The following DSCAM variants were observed in gnomAD, a reference collection of about 807,000 sequenced individuals.
The protein encoded by DSCAM is DS cell adhesion molecule, also known as cell adhesion molecule DSCAM.
Under a neutral mutation model 217.7 loss-of-function variants are expected in DSCAM, and 47 were observed. That is an observed-to-expected ratio of 0.22 (90% CI 0.17 to 0.28). DSCAM has a LOEUF of 0.28. Ranked by LOEUF, DSCAM falls within the 10% of genes least tolerant of loss-of-function variation. The pLI is 1.00. For synonymous variants in DSCAM, 1,056 were observed against 1,015.3 expected (o/e 1.04, Z -0.76); for missense variants, 2,080 against 2,618.3 (o/e 0.79, Z 4.49).
At position 40,834,802 on chromosome 21, in the gene DSCAM, C is replaced by T. The variant is rs1382766449; in HGVS notation, c.43+11817G>A. ...GGCCTCCAGACCCCCCAGGAAAATA[C>T]AGCTTTCTCCCTCCACTCTCACTGA... On this transcript the variant is annotated intron_variant, in intron 1 of 32. Transcript: ENST00000400454. 2.6e-5 allele frequency among the ~76,000 whole-genome samples: 4 copies of T among 152,296 alleles called. No homozygotes were observed. The East Asian group carries it at 7.7e-4, about 29-fold the overall frequency.
At chr21:40,783,453 G>A (rs954157604) in intron 1 of DSCAM, among the ~76,000 whole-genome samples, 3 of 152,176 alleles carry the variant, frequency 2.0e-5, no homozygotes, top group African/African-American at 7.2e-5. Context: ...GTGTGCGTGT[G>A]TGTGTGTGCA....
intron 2 of DSCAM, among the ~76,000 whole-genome samples, chr21:40,700,491 C>G (rs1296124686): frequency 6.6e-6 from 1 of 152,150 alleles, no homozygotes; most frequent in Non-Finnish European, 1.5e-5. Flanking sequence ...ATGTGAAACT[C>G]ACCTTGCATT....
At chr21:40,031,329 C>A (rs2088520150) in intron 32 of DSCAM, among the ~76,000 whole-genome samples, 1 of 152,244 alleles carries the variant, frequency 6.6e-6, no homozygotes. Flanking sequence ...GAAGGCTGCC[C>A]AGGCTAACTG....
At chr21:40,125,942 T>G (rs1011568474) in intron 19 of DSCAM, among the ~76,000 whole-genome samples, 19 of 152,234 alleles carry the variant, frequency 1.2e-4, no homozygotes, top group African/African-American at 4.6e-4. Flanking sequence ...ACAGTGAACA[T>G]TCTTGCTGGA....
At position 40,064,376 on chromosome 21, in the gene DSCAM, C is replaced by T. The variant is rs73906395; in HGVS notation, c.4889-1477G>A. Among the ~76,000 whole-genome samples the T allele has an allele frequency of 9.8e-3, 1,485 of 152,108 alleles. 26 individuals carry two copies. The highest frequency in any genetic ancestry group is 0.034 in the African/African-American group (1,417 of 41,488). On this transcript the variant is annotated intron_variant, in intron 27 of 32. Coordinates refer to ENST00000400454, the MANE Select transcript of DSCAM (RefSeq NM_001389.5). ...GATCAACTGCTTTCCTCATTCTGCC[C>T]GCCACAATAATCTCTCCTTTTCCTA...
chr21:40,202,200 C>T (rs1199714025), intron 11 of DSCAM, among the ~76,000 whole-genome samples: 1 of 152,142 alleles, frequency 6.6e-6, no homozygotes, highest in East Asian at 1.9e-4. Context: ...TGGATTCCAC[C>T]CCCGCCACCC....
intron 8 of DSCAM, among the ~76,000 whole-genome samples, chr21:40,337,208 C>T (rs1007614342): frequency 1.3e-5 from 2 of 152,068 alleles, no homozygotes; most frequent in Non-Finnish European, 2.9e-5. Context: ...AACTTTGTAA[C>T]AAGGGCAACT....
At chr21:40,567,227 G>A (rs2146197063) in intron 3 of DSCAM, among the ~76,000 whole-genome samples, 1 of 152,320 alleles carries the variant, frequency 6.6e-6, no homozygotes, top group African/African-American at 2.4e-5. Context: ...TGAACTTACT[G>A]TGCCTAGCAA....
At chr21:40,341,761 T>A (rs1480341669) in intron 6 of DSCAM, among the ~76,000 whole-genome samples, 1 of 152,202 alleles carries the variant, frequency 6.6e-6, no homozygotes, top group Non-Finnish European at 1.5e-5. Context: ...AGATGTAACT[T>A]TGGAACAGTA....
At chr21:40,449,611 A>T (rs2075703071) in intron 3 of DSCAM, among the ~76,000 whole-genome samples, 1 of 152,224 alleles carries the variant, frequency 6.6e-6, no homozygotes, top group Non-Finnish European at 1.5e-5. Context: ...ACAGTAATCA[A>T]GCAGTTATTT....
chr21:40,152,138 A>AC (rs1207090357), intron 16 of DSCAM, among the ~76,000 whole-genome samples: 18 of 151,978 alleles, frequency 1.2e-4, no homozygotes, highest in South Asian at 4.2e-4. Flanking sequence ...CACAAAAAAA[A>AC]CAAAAAACTA....
intron 3 of DSCAM, among the ~76,000 whole-genome samples, chr21:40,591,944 G>A (rs459825): frequency 0.33 from 50,420 of 151,994 alleles, 8,564 homozygotes; most frequent in South Asian, 0.46. Context: ...AAGGGACAGG[G>A]TCTTACTTTG....
chr21:40,194,969 T>G (rs2090991886), intron 11 of DSCAM, among the ~76,000 whole-genome samples: 1 of 152,196 alleles, frequency 6.6e-6, no homozygotes, highest in Admixed American at 6.5e-5. Context: ...AGGAGAGTGT[T>G]TCACTATATT....
chr21:40,507,938 A>G (rs923648646), intron 3 of DSCAM, among the ~76,000 whole-genome samples: 7 of 152,092 alleles, frequency 4.6e-5, no homozygotes, highest in African/African-American at 1.7e-4. Context: ...GCTCTCCTAG[A>G]GCACCAATCC....
intron 3 of DSCAM, among the ~76,000 whole-genome samples, chr21:40,412,577 T>C (rs1255688814): frequency 2.6e-5 from 4 of 152,162 alleles, no homozygotes; most frequent in South Asian, 2.1e-4. Context: ...TTGACAGATA[T>C]GATTTAGGGT....
chr21:40,347,298 C>CAA (rs796531226), intron 6 of DSCAM, among the ~76,000 whole-genome samples: 55 of 79,402 alleles, frequency 6.9e-4, no homozygotes, highest in African/African-American at 1.4e-3. Flanking sequence ...AACTCCATCT[C>CAA]AAAAAAAAAA....
chr21:40,162,938 A>C (rs1322799782), intron 16 of DSCAM, among the ~76,000 whole-genome samples: 1 of 152,220 alleles, frequency 6.6e-6, no homozygotes, highest in African/African-American at 2.4e-5. Context: ...AAATAAAACA[A>C]CAACACAAAT....
intron 3 of DSCAM, among the ~76,000 whole-genome samples, chr21:40,572,646 C>A (rs1329784059): frequency 1.3e-5 from 2 of 152,012 alleles, no homozygotes; most frequent in Non-Finnish European, 2.9e-5. Context: ...CAAATAGTAA[C>A]CCAGAGAGAA....
chr21:40,802,321 T>C (rs1569043522), intron 1 of DSCAM, among the ~76,000 whole-genome samples: 1 of 152,244 alleles, frequency 6.6e-6, no homozygotes, highest in Non-Finnish European at 1.5e-5. Flanking sequence ...TGAGTCTTTC[T>C]AGGTACCTTG....
Sources: allele counts gnomAD v4.1 joint callset (sites outside exome capture counted in the v4.1 genomes callset), GRCh38; gene constraint gnomAD v4.1.1; transcripts MANE v1.5; gene names NCBI Gene and HGNC (gene_info 2026-07-23, HGNC 2026-07-21).